VASH1: variants seen among roughly 807,000 people sequenced by gnomAD.
VASH1 encodes tubulinyl-Tyr carboxypeptidase 1.
Under a neutral mutation model 35.0 loss-of-function variants are expected in VASH1, and 16 were observed. That is an observed-to-expected ratio of 0.46 (90% CI 0.31 to 0.70). The LOEUF is 0.70. Among genes scored for constraint, VASH1 ranks in the 30% least tolerant of loss-of-function variants. VASH1 has a pLI of 0.05. For synonymous variants in VASH1, 214 were observed against 200.9 expected, an observed-to-expected ratio of 1.07 and a Z score of -0.55; for missense variants, 505 against 510.7, an observed-to-expected ratio of 0.99 and a Z score of 0.11.
intron 1 of VASH1, among the ~76,000 whole-genome samples, chr14:76,764,433 A>G (rs1284458299): frequency 6.6e-6 from 1 of 152,242 alleles, no homozygotes; most frequent in East Asian, 1.9e-4. Flanking sequence ...GAACATTCTA[A>G]AATATAAATT....
At chr14:76,769,934 T>TA in intron 1 of VASH1, 29 bp from the exon 2 acceptor site, 1 of 1,609,982 alleles carries the variant, frequency 6.2e-7, no homozygotes, top group Non-Finnish European at 8.5e-7. Flanking sequence ...AGCCTCTTCT[T>TA]GTGACCGGAG....
Position 76,776,079 on chromosome 14 carries a change from G to C in VASH1, c.718G>C (p.Val240Leu), listed in dbSNP as rs1259358833. The change falls in exon 5 of 7, where the codon GTG becomes CTG. Residue 240 changes from valine (V) to leucine (L), a missense_variant. By Grantham distance (32) the Val-to-Leu change is conservative. Coordinates refer to ENST00000167106, the MANE Select transcript of VASH1 (RefSeq NM_014909.5). ...PPAFRTLSEL[V>L]LDFEAAYGRC... ...CGCCTTCCGCACGCTCAGCGAGCTC[G>C]TGCTGGACTTCGAGGCCGCCTACGG... 6.2e-7 allele frequency: 1 copy of C among 1,609,350 alleles called. No individual in the cohort carries two copies. Among genetic ancestry groups the C allele is most frequent in the East Asian group, 2.2e-5 (1 of 44,850 alleles).
chr14:76,763,178 G>C, intron 1 of VASH1, 48 bp downstream of exon 1: 2 of 1,377,702 alleles, frequency 1.5e-6, no homozygotes, highest in Non-Finnish European at 1.9e-6. Flanking sequence ...AGGTTTTAGT[G>C]ACCTTGGGGC....
rs769546200 is a variant in VASH1 at position 76,762,805 on chromosome 14, C to A, written c.-17C>A. 2.7e-6 allele frequency: 4 copies of A among 1,456,394 alleles called. No individual in the cohort carries two copies. The Admixed American group carries it at 8.2e-5, about 30-fold the overall frequency. The allele number at this position is 1,456,394 out of a possible 1,614,324, so 90.2% of individuals were successfully genotyped here. ...AGTTGTTTTCCCGCCTCCACCACCCCCCTCGAAGATTTAGGGATGCCAGGG... is the reference window on the plus strand; with the variant it reads ...AGTTGTTTTCCCGCCTCCACCACCCACCTCGAAGATTTAGGGATGCCAGGG... On this transcript the variant is annotated 5_prime_UTR_variant, in exon 1 of 7. Coordinates refer to ENST00000167106, the MANE Select transcript of VASH1 (RefSeq NM_014909.5).
Position 76,762,758 on chromosome 14 carries a change from T to C in VASH1, c.-64T>C. On this transcript the variant is annotated 5_prime_UTR_variant, in exon 1 of 7. Transcript: ENST00000167106. ...CCATGTGTTATCTCTGCAGCCGGTG[T>C]GTGGGAGGCCTCTTGTGAGCCAGTT... The C allele has an allele frequency of 1.4e-6, 2 of 1,384,660 alleles. No individual in the cohort carries two copies. The highest frequency in any genetic ancestry group is 1.9e-6 in the Non-Finnish European group (2 of 1,053,140). The allele number at this position is 1,384,660 out of a possible 1,614,324, so 85.8% of individuals were successfully genotyped here. A position where few individuals can be genotyped will look rare whatever the true frequency, so the allele number is the denominator to read the frequency against.
rs1463022295 is a variant in VASH1 at position 76,779,587 on chromosome 14, G to C, written c.*569G>C. ...CCCATTAACCAGGAGCTTGGCACAG[G>C]CCACATCTGCCCCAAGAGCATGAGC... On this transcript the variant is annotated 3_prime_UTR_variant, in exon 7 of 7. Transcript: ENST00000167106. 7.8e-6 allele frequency: 5 copies of C among 640,420 alleles called. No individual in the cohort carries two copies. Among genetic ancestry groups the C allele is most frequent in the South Asian group, 3.6e-5 (2 of 55,534 alleles). 39.7% of individuals were successfully genotyped at this position (640,420 alleles called of 1,614,324 possible).
intron 1 of VASH1, among the ~76,000 whole-genome samples, chr14:76,768,635 C>T (rs1430927064): frequency 6.6e-6 from 1 of 152,204 alleles, no homozygotes; most frequent in African/African-American, 2.4e-5. Flanking sequence ...AGAGCCCCAG[C>T]CACTGCGGTC....
chr14:76,764,225 A>G (rs1047039307), intron 1 of VASH1, among the ~76,000 whole-genome samples: 2 of 152,224 alleles, frequency 1.3e-5, no homozygotes, highest in African/African-American at 4.8e-5. Flanking sequence ...TGGTACAGCC[A>G]TCAGAAAGTG....
At chr14:76,775,375 G>A (rs1007204706) in intron 4 of VASH1, among the ~76,000 whole-genome samples, 1 of 152,086 alleles carries the variant, frequency 6.6e-6, no homozygotes, top group Non-Finnish European at 1.5e-5. Context: ...GAGTGGGCCT[G>A]GGGCTGGCTG....
At chr14:76,773,994 A>T (rs1252280395) in intron 4 of VASH1, 1 of 152,274 alleles carries the variant, frequency 6.6e-6, no homozygotes, top group African/African-American at 2.4e-5. Flanking sequence ...CCCTGCCCGT[A>T]TTCTTTACCA....
intron 4 of VASH1, chr14:76,774,890 A>G (rs1436662013): frequency 6.6e-6 from 1 of 152,228 alleles, no homozygotes; most frequent in Non-Finnish European, 1.5e-5. Flanking sequence ...GTTCCTTAAC[A>G]TCTCTGAGCC....
At position 76,770,036 on chromosome 14, in the gene VASH1, A is replaced by G; in HGVS notation, c.383A>G (p.Tyr128Cys). ...VPERLEAVQR[Y>C]IRELQYNHTG... ...GAGCGCCTGGAAGCTGTGCAGCGCT[A>G]CATCAGAGAGCTGCAGTATCCTCTC... is the stretch of plus-strand genomic sequence containing the variant. The change falls in exon 2 of 7, where the codon TAC becomes TGC. Residue 128 changes from tyrosine to cysteine, a missense_variant. Tyr to Cys is a radical substitution (Grantham distance 194). Coordinates refer to ENST00000167106, the MANE Select transcript of VASH1 (RefSeq NM_014909.5). 1.2e-6 allele frequency: 2 copies of G among 1,613,896 alleles called. No homozygotes were observed. Among genetic ancestry groups the G allele is most frequent in the Non-Finnish European group, 1.7e-6 (2 of 1,179,826 alleles).
At chr14:76,770,260 G>T (rs1359262902) in intron 2 of VASH1, among the ~76,000 whole-genome samples, 1 of 152,160 alleles carries the variant, frequency 6.6e-6, no homozygotes, top group Non-Finnish European at 1.5e-5. Flanking sequence ...TGAGTGCAGG[G>T]CCCACTCTGC....
chr14:76,771,910 A>T (rs2140180844), intron 3 of VASH1, among the ~76,000 whole-genome samples: 1 of 152,370 alleles, frequency 6.6e-6, no homozygotes, highest in African/African-American at 2.4e-5. Context: ...GCTCTGCCCA[A>T]AGATGCCCAC....
chr14:76,772,872 C>A (rs1188150920), intron 3 of VASH1, among the ~76,000 whole-genome samples: 1 of 152,194 alleles, frequency 6.6e-6, no homozygotes. Flanking sequence ...AAGAGCCAGG[C>A]GTGGGAGGTG....
chr14:76,772,280 A>G (rs1177649751), intron 3 of VASH1, among the ~76,000 whole-genome samples: 1 of 152,204 alleles, frequency 6.6e-6, no homozygotes, highest in African/African-American at 2.4e-5. Context: ...TTTCATATGA[A>G]GTTTACATCT....
rs898579746 is a variant in VASH1 at position 76,781,094 on chromosome 14, C to G, written c.*2076C>G. The G allele has an allele frequency of 6.6e-6, 1 of 152,516 alleles. No homozygotes were observed. The highest frequency in any genetic ancestry group is 1.9e-4 in the East Asian group (1 of 5,196). The allele number at this position is 152,516 out of a possible 1,614,324, so 9.4% of individuals were successfully genotyped here. A position where few individuals can be genotyped will look rare whatever the true frequency, so the allele number is the denominator to read the frequency against. On this transcript the variant is annotated 3_prime_UTR_variant, in exon 7 of 7. Transcript: ENST00000167106. ...GAAGGGAAGGCAGAACCAGGGATGC[C>G]TTTGCTGATGAGAGTGCCTGTCAGG...
rs141778129 is a variant in VASH1 at position 76,776,081 on chromosome 14, G to A, written c.720G>A (p.Val240=). Residue 240 remains valine, a synonymous_variant, in exon 5 of 7, where the codon GTG becomes GTA. Coordinates refer to ENST00000167106, the MANE Select transcript of VASH1 (RefSeq NM_014909.5). ...PPAFRTLSEL[V]LDFEAAYGRC... is the part of the protein sequence containing the mutation. The stretch of plus-strand genomic sequence containing the variant: ...CCTTCCGCACGCTCAGCGAGCTCGT[G>A]CTGGACTTCGAGGCCGCCTACGGCC... 679 of 1,609,114 alleles carry A rather than the reference G, an allele frequency of 4.2e-4. 3 individuals are homozygous for A. The African/African-American group carries it at 8.1e-3, about 19-fold the overall frequency.
rs767611927 is a variant in VASH1 at position 76,779,640 on chromosome 14, TTGAGG to T, written c.*623_*627del. The T allele has an allele frequency of 8.2e-6, 5 of 610,844 alleles. No individual in the cohort carries two copies. Among genetic ancestry groups the T allele is most frequent in the African/African-American group, 3.7e-5 (2 of 54,090 alleles). 37.8% of individuals were successfully genotyped at this position (610,844 alleles called of 1,614,324 possible). ...GTGGCTCAGGAGAGCCTTCAGGCCCTTGAGGCCCCCATGGGCAGTGCTGTGTGGGC... is the reference window on the plus strand; with the variant it reads ...GTGGCTCAGGAGAGCCTTCAGGCCCTCCCCCATGGGCAGTGCTGTGTGGGC... On this transcript the variant is annotated 3_prime_UTR_variant, in exon 7 of 7. Transcript: ENST00000167106.
Sources: allele counts gnomAD v4.1 joint callset (sites outside exome capture counted in the v4.1 genomes callset), GRCh38; gene constraint gnomAD v4.1.1; transcripts MANE v1.5; gene names NCBI Gene and HGNC (gene_info 2026-07-23, HGNC 2026-07-21).